Variants in YWHAE observed in about 807,000 individuals in gnomAD.
YWHAE encodes tyrosine 3-monooxygenase/tryptophan 5-monooxygenase activation protein epsilon, also known as 14-3-3 protein epsilon.
A neutral mutation model predicts 30.1 loss-of-function variants in YWHAE; 4 were observed. That is an observed-to-expected ratio of 0.13 (90% confidence interval 0.07 to 0.30). YWHAE has a LOEUF of 0.30. Ranked by LOEUF, YWHAE falls within the 10% of genes least tolerant of loss-of-function variation. YWHAE has a pLI of 1.00. For missense variants in YWHAE, 121 were observed against 315.9 expected (o/e 0.38, Z 4.68); for synonymous variants, 118 against 111.8 (o/e 1.06, Z -0.35).
chr17:1,348,263 T>A (rs978994607), intron 5 of YWHAE, among the ~76,000 whole-genome samples: 3 of 152,144 alleles, frequency 2.0e-5, no homozygotes, highest in Admixed American at 6.6e-5. Flanking sequence ...CTTTGCCCAG[T>A]GTATCTACAT....
intron 5 of YWHAE, among the ~76,000 whole-genome samples, chr17:1,352,674 C>T (rs767234700): frequency 2.0e-5 from 3 of 152,024 alleles, no homozygotes; most frequent in Non-Finnish European, 4.4e-5. Flanking sequence ...TACAGGAGCC[C>T]GCCACCACGC....
At chr17:1,355,148 A>ATTT (rs1271496520) in intron 4 of YWHAE, among the ~76,000 whole-genome samples, 27 of 76,826 alleles carry the variant, frequency 3.5e-4, no homozygotes, top group South Asian at 4.6e-4. Context: ...AAAAAAAAAA[A>ATTT]TTTTTTTTTT....
At chr17:1,363,238 C>G (rs996776745) in intron 2 of YWHAE, among the ~76,000 whole-genome samples, 1 of 152,080 alleles carries the variant, frequency 6.6e-6, no homozygotes, top group Non-Finnish European at 1.5e-5. Flanking sequence ...AGGGACTCAT[C>G]AGGACATCTG....
chr17:1,371,255 A>G (rs2073038553), intron 1 of YWHAE, among the ~76,000 whole-genome samples: 1 of 151,792 alleles, frequency 6.6e-6, no homozygotes, highest in Non-Finnish European at 1.5e-5. Context: ...GCTAATTTTT[A>G]TTATTTTTTT....
In YWHAE at chr17:1,345,244, T is replaced by G. The variant is rs549028552; in HGVS notation, c.*203A>C. 112 of 577,334 alleles carry G rather than the reference T, an allele frequency of 1.9e-4. 1 individual carries two copies. The highest frequency in any genetic ancestry group is 2.5e-4 in the Non-Finnish European group (82 of 332,418). The allele number at this position is 577,334 out of a possible 1,614,324, so 35.8% of individuals were successfully genotyped here. Reference sequence around the variant, plus strand: ...AACCTAAAAGCTGGGACCAGTAAAATCCACAGAAATTCACTCTTGCCTTTA... The same window carrying G: ...AACCTAAAAGCTGGGACCAGTAAAAGCCACAGAAATTCACTCTTGCCTTTA... On this transcript the variant is annotated 3_prime_UTR_variant, in exon 6 of 6. Transcript: ENST00000264335.
intron 1 of YWHAE, among the ~76,000 whole-genome samples, chr17:1,395,255 C>T (rs927963339): frequency 1.3e-5 from 2 of 151,866 alleles, no homozygotes; most frequent in Admixed American, 1.3e-4. Context: ...TGGCTGGGTG[C>T]GGTGGCTCAC....
chr17:1,368,777 AG>A (rs1397978886), intron 1 of YWHAE, among the ~76,000 whole-genome samples: 5 of 152,220 alleles, frequency 3.3e-5, no homozygotes, highest in Non-Finnish European at 7.3e-5. Flanking sequence ...CTCAGAGGTA[AG>A]CCTGTAATTA....
Position 1,391,783 on chromosome 17 carries a change from A to G in YWHAE, c.64+8264T>C, listed in dbSNP as rs189298491. ...GCTTGAACCCAGGAGTTACCTGGACAACACAGTGGGATCCCGTCTCCACAA... is the reference window on the plus strand; with the variant it reads ...GCTTGAACCCAGGAGTTACCTGGACGACACAGTGGGATCCCGTCTCCACAA... On this transcript the variant is annotated intron_variant, in intron 1 of 5. Transcript: ENST00000264335. Among the ~76,000 whole-genome samples, 29 of 152,218 alleles carry G rather than the reference A, an allele frequency of 1.9e-4. 1 individual carries two copies. Among genetic ancestry groups the G allele is most frequent in the Admixed American group, 1.8e-3 (27 of 15,274 alleles).
rs146759840 is a variant in YWHAE, at chr17:1,386,186, A to G, written c.64+13861T>C. ...ATTATTATTACAGGGTTTCATCACA[A>G]TGAAACACTTTAAAGAGGTTTTTCA... is the stretch of plus-strand genomic sequence containing the variant. On this transcript the variant is annotated intron_variant, in intron 1 of 5. Coordinates refer to ENST00000264335, the MANE Select transcript of YWHAE (RefSeq NM_006761.5). Among the ~76,000 whole-genome samples, 19 of 152,362 alleles carry G rather than the reference A, an allele frequency of 1.2e-4. No individual in the cohort carries two copies. The East Asian group carries it at 3.1e-3, about 25-fold the overall frequency.
At position 1,348,031 on chromosome 17, in the gene YWHAE, G is replaced by A; in HGVS notation, c.716-2532C>T. The A allele has an allele frequency of 3.0e-6, 3 of 1,000,952 alleles. No individual in the cohort carries two copies. In the South Asian group the frequency reaches 1.4e-4, roughly 47 times the overall value. The allele number at this position is 1,000,952 out of a possible 1,614,324, so 62.0% of individuals were successfully genotyped here. On this transcript the variant is annotated intron_variant, in intron 5 of 5. Transcript: ENST00000264335. ...AATCTATATTGCAAGGAAAAAGGGA[G>A]GGAGAACAATCATATGAAAGCAACA... is the stretch of plus-strand genomic sequence containing the variant.
At chr17:1,365,925 A>C (rs1477792521) in intron 1 of YWHAE, among the ~76,000 whole-genome samples, 4 of 152,056 alleles carry the variant, frequency 2.6e-5, no homozygotes, top group African/African-American at 7.2e-5. Flanking sequence ...TCTCTAAAAA[A>C]TAAAAACAGA....
intron 1 of YWHAE, among the ~76,000 whole-genome samples, chr17:1,369,303 G>T (rs1002266767): frequency 1.3e-5 from 2 of 152,108 alleles, no homozygotes; most frequent in African/African-American, 4.8e-5. Context: ...AGAACAGCCT[G>T]GCCAACATAG....
Position 1,400,165 on chromosome 17 carries a change from C to T in YWHAE, c.-55G>A, listed in dbSNP as rs909109018. 1.9e-5 allele frequency: 31 copies of T among 1,602,434 alleles called. No homozygotes were observed. In the East Asian group the frequency reaches 3.3e-4, roughly 17 times the overall value. ...GACGGATGGAAGCGGATAGTGTCTC[C>T]GACTCTCTCAGCCTCTCGCTCCGCG... On this transcript the variant is annotated 5_prime_UTR_variant, in exon 1 of 6. Transcript: ENST00000264335.
chr17:1,365,654 C>T (rs1378195292), intron 1 of YWHAE, among the ~76,000 whole-genome samples: 3 of 152,080 alleles, frequency 2.0e-5, no homozygotes, highest in Non-Finnish European at 2.9e-5. Context: ...TGGCATCTAC[C>T]GCAAGCATAG....
intron 3 of YWHAE, 65 bp from the exon 4 acceptor site, chr17:1,361,363 A>T (rs954437153): frequency 2.1e-5 from 28 of 1,342,880 alleles, no homozygotes; most frequent in Non-Finnish European, 2.9e-5. Context: ...TTAAAGGAAA[A>T]TAAGCTAAAA....
rs566935846 is a variant in YWHAE at position 1,345,289 on chromosome 17, T to TAA, written c.*156_*157dup. ...CCTTTAAGAACTTTTGAAAACTGTT[T>TAA]AAAAAAAAAAAAAAAAAACCAACAG... On this transcript the variant is annotated 3_prime_UTR_variant, in exon 6 of 6. Coordinates refer to ENST00000264335, the MANE Select transcript of YWHAE (RefSeq NM_006761.5). 100,580 of 496,862 alleles carry TAA rather than the reference T, an allele frequency of 0.2. 5,225 individuals are homozygous for TAA. The highest frequency in any genetic ancestry group is 0.25 in the Admixed American group (6,269 of 25,218). The allele number at this position is 496,862 out of a possible 1,614,324, so 30.8% of individuals were successfully genotyped here.
At chr17:1,348,218 G>A (rs996232198) in intron 5 of YWHAE, among the ~76,000 whole-genome samples, 4 of 152,172 alleles carry the variant, frequency 2.6e-5, no homozygotes, top group African/African-American at 9.7e-5. Flanking sequence ...AAGACATACA[G>A]ATATTAGGGG....
chr17:1,373,831 A>T (rs574460273), intron 1 of YWHAE, among the ~76,000 whole-genome samples: 12 of 151,958 alleles, frequency 7.9e-5, no homozygotes, highest in African/African-American at 1.4e-4. Context: ...TGTGAAGCAC[A>T]ATCAAACAGG....
At chr17:1,388,102 T>TTTTTG (rs2073329851) in intron 1 of YWHAE, among the ~76,000 whole-genome samples, 2 of 44,106 alleles carry the variant, frequency 4.5e-5, no homozygotes, top group East Asian at 5.6e-4. Context: ...GTAATTTTTG[T>TTTTTG]TTTTTTTTTT....
Sources: gnomAD v4.1 joint callset for allele counts (sites outside exome capture counted in the v4.1 genomes callset) on GRCh38, gnomAD v4.1.1 for gene constraint, MANE v1.5 for transcripts, NCBI Gene and HGNC (gene_info 2026-07-23, HGNC 2026-07-21) for gene names.